The following TRMT44 variants were observed in gnomAD, a reference collection of about 807,000 sequenced individuals.
TRMT44 encodes the protein probable tRNA (uracil-O(2)-)-methyltransferase.
Under a neutral mutation model 77.3 loss-of-function variants are expected in TRMT44, and 78 were observed. The ratio of observed to expected loss-of-function variants is 1.01; its 90% CI spans 0.84 to 1.22. The LOEUF is 1.22. Ranked by LOEUF, TRMT44 falls within the 50% of genes most tolerant of loss-of-function variation. TRMT44 has a pLI of 0.00. For missense variants in TRMT44, 1,090 were observed against 964.4 expected, an observed-to-expected ratio of 1.13 and a Z score of -1.73; for synonymous variants, 391 against 383.3, an observed-to-expected ratio of 1.02 and a Z score of -0.23.
chr4:8,452,032 A>G lies in TRMT44; in HGVS notation c.1023+4A>G. ...GGCTATCGCAGCATACCTGCTGGTA[A>G]GGGTGTAAGCGACCTCAGCTTCTCT... On this transcript the variant is annotated splice_donor_region_variant and intron_variant, in intron 4 of 10. Coordinates refer to ENST00000389737, the MANE Select transcript of TRMT44 (RefSeq NM_152544.3). The surrounding 1 kb of genome is among the most constrained non-coding windows in gnomAD (Gnocchi z 5.7). 6.5e-7 allele frequency: 1 copy of G among 1,536,470 alleles called. No individual in the cohort carries two copies. Among genetic ancestry groups the G allele is most frequent in the East Asian group, 2.4e-5 (1 of 40,912 alleles).
At position 8,446,606 on chromosome 4, in the gene TRMT44, T is replaced by C; in HGVS notation, c.734+16T>C. On this transcript the variant is annotated intron_variant, in intron 2 of 10. Transcript: ENST00000389737. The surrounding 1 kb of genome is among the most constrained non-coding windows in gnomAD (Gnocchi z 4.3). The stretch of plus-strand genomic sequence containing the variant: ...AAGAAGAATGGTAAGAGCTGGACAG[T>C]GGACTCCTAGTTTTATGGTTTCCAT... 1.3e-6 allele frequency: 2 copies of C among 1,489,746 alleles called. No homozygotes were observed. Among genetic ancestry groups the C allele is most frequent in the Non-Finnish European group, 1.8e-6 (2 of 1,108,282 alleles). The allele number at this position is 1,489,746 out of a possible 1,614,324, so 92.3% of individuals were successfully genotyped here. A position where few individuals can be genotyped will look rare whatever the true frequency, so the allele number is the denominator to read the frequency against.
At chr4:8,468,400 A>C in intron 9 of TRMT44, 54 bp downstream of exon 9, 1 of 1,563,092 alleles carries the variant, frequency 6.4e-7, no homozygotes, top group Non-Finnish European at 8.8e-7. Context: ...GCTTGAGGGC[A>C]GGAATTCACG....
chr4:8,495,524 TA>T (rs1033761158), downstream of TRMT44, among the ~76,000 whole-genome samples: 1 of 152,166 alleles, frequency 6.6e-6, no homozygotes, highest in African/African-American at 2.4e-5. Context: ...TCCATTTCAG[TA>T]AAAAAAGTGG....
chr4:8,449,805 A>G lies in TRMT44; in HGVS notation c.871A>G (p.Lys291Glu), dbSNP rs1426925540. 8 of 1,535,920 alleles carry G rather than the reference A, an allele frequency of 5.2e-6. No homozygotes were observed. The highest frequency in any genetic ancestry group is 7.0e-6 in the Non-Finnish European group (8 of 1,146,862). The part of the protein sequence containing the change: ...WSVENKKSDF[K>E]STLSLISIMK... ...TGTAGAGAACAAGAAGAGTGACTTT[A>G]AAAGCACCCTTTCCCTCATCTCCAT... Residue 291 changes from lysine (K) to glutamate (E), a missense_variant, in exon 3 of 11, where the codon AAA becomes GAA. Physicochemically the swap from Lys to Glu is moderately conservative, Grantham distance 56 (BLOSUM62 1). Transcript: ENST00000389737.
At chr4:8,455,294 G>A (rs1030587165) in intron 6 of TRMT44, among the ~76,000 whole-genome samples, 6 of 152,342 alleles carry the variant, frequency 3.9e-5, no homozygotes, top group African/African-American at 1.2e-4. Flanking sequence ...AGGGCTGTGG[G>A]GACTCAAAGG....
At chr4:8,497,361 C>T (rs532162927), downstream of TRMT44, among the ~76,000 whole-genome samples, 5 of 152,336 alleles carry the variant, frequency 3.3e-5, no homozygotes, top group East Asian at 5.8e-4. Context: ...AAACCCTGCT[C>T]TGGGCCGGGC....
chr4:8,472,056 C>T (rs1214423857), intron 10 of TRMT44, among the ~76,000 whole-genome samples: 4 of 148,726 alleles, frequency 2.7e-5, no homozygotes, highest in Non-Finnish European at 3.0e-5. Flanking sequence ...AAAGCAAATT[C>T]TAGCTAGCAT....
chr4:8,484,662 C>T (rs1428924792), intron 2 of TRMT44, among the ~76,000 whole-genome samples: 1 of 152,032 alleles, frequency 6.6e-6, no homozygotes, highest in Admixed American at 6.6e-5. Flanking sequence ...AGAGAGGGGG[C>T]AGTTTCTAAA....
rs1728025927 is a variant in TRMT44 at position 8,492,090 on chromosome 4, GT to G, written n.3892-1174del. 5.3e-5 allele frequency among the ~76,000 whole-genome samples: 8 copies of G among 152,350 alleles called. No individual in the cohort carries two copies. In the South Asian group the frequency reaches 1.7e-3, roughly 32 times the overall value. On this transcript the variant is annotated intron_variant and non_coding_transcript_variant, in intron 2 of 2. Transcript: ENST00000511366. ...AAAAACCCCTTGGGCAGATACAAAA[GT>G]TCTTTCAGGCATCTGTTTCCAGAAT...
the TRMT44 span, chr4:8,510,279 C>A: frequency 1.3e-5 from 2 of 152,722 alleles, no homozygotes; most frequent in Admixed American, 1.3e-4. Flanking sequence ...AAGCCTCTCG[C>A]GTTCCTGGGC....
At chr4:8,445,504 A>T (rs551359703) in intron 1 of TRMT44, among the ~76,000 whole-genome samples, 1 of 152,290 alleles carries the variant, frequency 6.6e-6, no homozygotes, top group Admixed American at 6.5e-5. Context: ...ACCTGAGCAC[A>T]CGCCTGCCCT....
At chr4:8,468,883 C>T (rs1398762907) in intron 9 of TRMT44, among the ~76,000 whole-genome samples, 1 of 152,216 alleles carries the variant, frequency 6.6e-6, no homozygotes, top group Non-Finnish European at 1.5e-5. Flanking sequence ...AGAGAGCCAG[C>T]CAGGGCTGTA....
intron 6 of TRMT44, among the ~76,000 whole-genome samples, chr4:8,455,867 T>G (rs1179218201): frequency 6.6e-6 from 1 of 152,140 alleles, no homozygotes; most frequent in African/African-American, 2.4e-5. Context: ...ATTGGAAAAT[T>G]TTATTGGAAA....
chr4:8,505,207 C>T, the TRMT44 span, among the ~76,000 whole-genome samples: 29 of 152,310 alleles, frequency 1.9e-4, no homozygotes, highest in East Asian at 1.9e-3. Context: ...GGCTTCTGTC[C>T]GGGTGCTGCT....
intron 1 of TRMT44, among the ~76,000 whole-genome samples, chr4:8,443,489 A>G (rs1724878640): frequency 6.6e-6 from 1 of 152,210 alleles, no homozygotes; most frequent in Non-Finnish European, 1.5e-5. Context: ...TACAAGCTGT[A>G]TGGCTGTGGG....
chr4:8,441,204 G>A lies in TRMT44; in HGVS notation c.382G>A (p.Gly128Ser), dbSNP rs1190478271. The A allele has an allele frequency of 1.3e-6, 2 of 1,534,894 alleles. No homozygotes were observed. The highest frequency in any genetic ancestry group is 3.9e-5 in the Admixed American group (2 of 50,886). Reference sequence around the variant, plus strand: ...GCCCCTGAGGGACTCCGGGCACCCCGGCCATGCTGAAGGAAGGGAGGGCGA... The same window carrying A: ...GCCCCTGAGGGACTCCGGGCACCCCAGCCATGCTGAAGGAAGGGAGGGCGA... ...SVPLRDSGHP[G>S]HAEGREGDFP... Residue 128 changes from glycine to serine, a missense_variant, in exon 1 of 11, where the codon GGC becomes AGC. Transcript: ENST00000389737.
rs1725521935 is a variant in TRMT44 at position 8,452,587 on chromosome 4, A to G, written c.1024-295A>G. Among the ~76,000 whole-genome samples the G allele has an allele frequency of 6.6e-6, 1 of 152,144 alleles. No individual in the cohort carries two copies. The highest frequency in any genetic ancestry group is 2.4e-5 in the African/African-American group (1 of 41,430). On this transcript the variant is annotated intron_variant, in intron 4 of 10. Transcript: ENST00000389737. The surrounding 1 kb of genome is among the most constrained non-coding windows in gnomAD (Gnocchi z 5.7). The stretch of plus-strand genomic sequence containing the variant: ...CTGTCTCTACTAAAAATACAAAATT[A>G]GCCAGGCGTGGTGGCAGGAGCCCAT...
At position 8,454,746 on chromosome 4, in the gene TRMT44, C is replaced by T; in HGVS notation, c.1136C>T (p.Pro379Leu). ...TTCTAAAATTAATTTTTTCAGCATC[C>T]AGGCAGAGGGATTGATGTCCGAAGA... is the stretch of plus-strand genomic sequence containing the variant. ...LVHILSSEGH[P>L]GRGIDVRRRK... Residue 379 changes from proline to leucine, a missense_variant, in exon 6 of 11, where the codon CCA becomes CTA. Coordinates refer to ENST00000389737, the MANE Select transcript of TRMT44 (RefSeq NM_152544.3). The T allele has an allele frequency of 6.2e-7, 1 of 1,614,080 alleles. No homozygotes were observed. The highest frequency in any genetic ancestry group is 8.5e-7 in the Non-Finnish European group (1 of 1,179,964).
intron 6 of TRMT44, among the ~76,000 whole-genome samples, chr4:8,459,294 AACTG>A (rs1408616287): frequency 6.6e-6 from 1 of 152,236 alleles, no homozygotes; most frequent in Non-Finnish European, 1.5e-5. Flanking sequence ...TAGTAATAAA[AACTG>A]ACAGTCATCC....
Sources: gnomAD v4.1 joint callset for allele counts (sites outside exome capture counted in the v4.1 genomes callset) on GRCh38, gnomAD v4.1.1 for gene constraint, Gnocchi (gnomAD v3.1) non-coding constraint, MANE v1.5 for transcripts, NCBI Gene and HGNC (gene_info 2026-07-23, HGNC 2026-07-21) for gene names.